CRLF3: variants seen among roughly 807,000 people sequenced by gnomAD.
The protein encoded by CRLF3 is cytokine receptor-like factor 3.
CRLF3 carries 33 observed loss-of-function variants against 55.0 expected under a neutral mutation model. The ratio of observed to expected loss-of-function variants is 0.60; its 90% CI spans 0.46 to 0.80. The LOEUF (loss-of-function observed/expected upper bound fraction) is 0.80. Among genes scored for constraint, CRLF3 ranks in the 30% least tolerant of loss-of-function variants. The pLI is 0.00. For missense variants in CRLF3, 494 were observed against 538.4 expected (o/e 0.92, Z 0.82); for synonymous variants, 238 against 196.8 (o/e 1.21, Z -1.75).
rs538291287 is a variant in CRLF3, at chr17:30,814,858, G to A, written c.129+9665C>T. ...CTCTACTAAAAATACAAAATTAGCC[G>A]GGTGTGGTGGCACATGCTTGTAATG... On this transcript the variant is annotated intron_variant, in intron 1 of 7. Coordinates refer to ENST00000324238, the MANE Select transcript of CRLF3 (RefSeq NM_015986.4). Among the ~76,000 whole-genome samples, 5 of 151,562 alleles carry A rather than the reference G, an allele frequency of 3.3e-5. No homozygotes were observed. The South Asian group carries it at 8.3e-4, about 25-fold the overall frequency.
At chr17:30,817,026 C>T (rs1051932118) in intron 1 of CRLF3, among the ~76,000 whole-genome samples, 20 of 152,094 alleles carry the variant, frequency 1.3e-4, no homozygotes, top group Non-Finnish European at 2.6e-4. Flanking sequence ...TTTTTACCCC[C>T]CTTATTTGCA....
chr17:30,824,524 T>G lies in CRLF3; in HGVS notation c.128A>C (p.Gln43Pro). ...RLEGLREARR[Q>P]IKESASQTRD... ...CCCCTGTGGGTGTGGCCCTCCGACC[T>G]GCCTCCGCGCCTCACGCAGCCCCTC... Residue 43 changes from glutamine to proline, a missense_variant and splice_region_variant, in exon 1 of 8, where the codon CAG becomes CCG. Physicochemically the swap from Gln to Pro is moderately conservative, Grantham distance 76. Transcript: ENST00000324238. The G allele has an allele frequency of 6.3e-7, 1 of 1,588,408 alleles. No homozygotes were observed. Among genetic ancestry groups the G allele is most frequent in the Non-Finnish European group, 8.5e-7 (1 of 1,173,132 alleles).
Position 30,809,933 on chromosome 17 carries a change from G to A in CRLF3, c.130-5825C>T, listed in dbSNP as rs573459875. On this transcript the variant is annotated intron_variant, in intron 1 of 7. Coordinates refer to ENST00000324238, the MANE Select transcript of CRLF3 (RefSeq NM_015986.4). ...CTCAAAGTGCTGAGATTACAAGTGTGAGCCACCGCGCTCGGCCATAGAACA... is the reference window on the plus strand; with the variant it reads ...CTCAAAGTGCTGAGATTACAAGTGTAAGCCACCGCGCTCGGCCATAGAACA... 2.6e-5 allele frequency: 4 copies of A among 152,242 alleles called. No individual in the cohort carries two copies. In the South Asian group the frequency reaches 6.2e-4, roughly 24 times the overall value. 9.4% of individuals were successfully genotyped at this position (152,242 alleles called of 1,614,324 possible).
intron 1 of CRLF3, among the ~76,000 whole-genome samples, chr17:30,815,377 C>T (rs1023446566): frequency 6.7e-6 from 1 of 149,404 alleles, no homozygotes; most frequent in African/African-American, 2.5e-5. Context: ...TGAGCCATTG[C>T]GCCTGGCCAA....
chr17:30,784,449 AT>A lies in CRLF3; in HGVS notation c.1073-7del. The A allele has an allele frequency of 6.2e-7, 1 of 1,608,526 alleles. No individual in the cohort carries two copies. Among genetic ancestry groups the A allele is most frequent in the African/African-American group, 1.3e-5 (1 of 74,890 alleles). ...TCCATTGACAAAAACTGCACCTAAAATGTTAAGGTAAAGAGTCATTTACATG... is the reference window on the plus strand; with the variant it reads ...TCCATTGACAAAAACTGCACCTAAAAGTTAAGGTAAAGAGTCATTTACATG... On this transcript the variant is annotated splice_region_variant and splice_polypyrimidine_tract_variant and intron_variant, in intron 7 of 7. Coordinates refer to ENST00000324238, the MANE Select transcript of CRLF3 (RefSeq NM_015986.4).
chr17:30,801,184 G>A (rs1972003113), intron 2 of CRLF3: 1 of 152,168 alleles, frequency 6.6e-6, no homozygotes, highest in Admixed American at 6.6e-5. Context: ...GGCTCCCAAA[G>A]TGCTGGGATT....
chr17:30,824,376 G>A, intron 1 of CRLF3, 147 bp downstream of exon 1: 1 of 533,914 alleles, frequency 1.9e-6, no homozygotes, highest in African/African-American at 2.3e-5. Flanking sequence ...CCCGTTCCCA[G>A]ACTCCATTAG....
At chr17:30,796,814 C>A in intron 3 of CRLF3, among the ~76,000 whole-genome samples, 1 of 151,662 alleles carries the variant, frequency 6.6e-6, no homozygotes. Flanking sequence ...ACCTCCACCT[C>A]CCCGATTCAA....
At chr17:30,796,067 T>G (rs954070429) in intron 4 of CRLF3, 93 bp downstream of exon 4, 4 of 743,592 alleles carry the variant, frequency 5.4e-6, no homozygotes, top group Non-Finnish European at 8.3e-6. Flanking sequence ...AAGAAAAGAA[T>G]GTATTTAAAA....
intron 2 of CRLF3, among the ~76,000 whole-genome samples, chr17:30,802,071 ATC>A (rs752214048): frequency 2.6e-5 from 4 of 151,924 alleles, no homozygotes; most frequent in African/African-American, 7.3e-5. Context: ...CTTAGCATGT[ATC>A]TCTCTCTCAC....
intron 7 of CRLF3, among the ~76,000 whole-genome samples, chr17:30,785,693 G>A (rs140088136): frequency 9.8e-4 from 149 of 151,776 alleles, no homozygotes; most frequent in African/African-American, 3.4e-3. Context: ...GAAGTGGGAG[G>A]ATGGCTTGGG....
chr17:30,784,367 G>A lies in CRLF3; in HGVS notation c.1149C>T (p.Asp383=). Residue 383 remains aspartate, a synonymous_variant, in exon 8 of 8, where the codon GAC becomes GAT. Coordinates refer to ENST00000324238, the MANE Select transcript of CRLF3 (RefSeq NM_015986.4). ...TGGTTCCTAGAGTCACGGCTTCAAT[G>A]TCAAACGTGACAGTGGACCCAGAAG... ...AVTSGSTVTF[D]IEAVTLGTTS... is the part of the protein sequence containing the mutation. The A allele has an allele frequency of 6.2e-7, 1 of 1,613,712 alleles. No individual in the cohort carries two copies. The highest frequency in any genetic ancestry group is 1.1e-5 in the South Asian group (1 of 91,074).
intron 1 of CRLF3, 40 bp downstream of exon 1, chr17:30,824,483 C>G (rs577816722): frequency 6.5e-7 from 1 of 1,548,876 alleles, no homozygotes; most frequent in East Asian, 2.4e-5. Flanking sequence ...TCCGCGCCAC[C>G]CCCGGGCCCA....
At chr17:30,798,829 ACT>A (rs1009224335) in intron 2 of CRLF3, among the ~76,000 whole-genome samples, 25 of 152,102 alleles carry the variant, frequency 1.6e-4, no homozygotes, top group African/African-American at 5.5e-4. Flanking sequence ...ACAGTGTGAG[ACT>A]CTGTCTCAAA....
intron 1 of CRLF3, among the ~76,000 whole-genome samples, chr17:30,805,638 C>T (rs1254651258): frequency 6.7e-6 from 1 of 148,646 alleles, no homozygotes; most frequent in Admixed American, 6.9e-5. Flanking sequence ...CGGTTGAACC[C>T]GGGAGGCGAA....
intron 4 of CRLF3, among the ~76,000 whole-genome samples, chr17:30,795,933 G>A (rs1971910075): frequency 6.6e-6 from 1 of 151,904 alleles, no homozygotes; most frequent in Admixed American, 6.6e-5. Context: ...CTCCAGCCTC[G>A]GTGAAAGAGC....
At chr17:30,816,105 A>C (rs1238242997) in intron 1 of CRLF3, among the ~76,000 whole-genome samples, 2 of 151,610 alleles carry the variant, frequency 1.3e-5, no homozygotes, top group Non-Finnish European at 1.5e-5. Flanking sequence ...AATATGGTGA[A>C]ACTCCGTCTG....
chr17:30,823,143 C>A (rs1306867805), intron 1 of CRLF3, among the ~76,000 whole-genome samples: 6 of 151,974 alleles, frequency 3.9e-5, no homozygotes, highest in Non-Finnish European at 8.8e-5. Flanking sequence ...GCAGGTGGAT[C>A]ACGAGGTCAG....
rs79294439 is a variant in CRLF3 at position 30,783,086 on chromosome 17, C to A, written c.*1101G>T. 6.6e-6 allele frequency: 1 copy of A among 152,078 alleles called. No homozygotes were observed. The highest frequency in any genetic ancestry group is 2.4e-5 in the African/African-American group (1 of 41,414). The allele number at this position is 152,078 out of a possible 1,614,324, so 9.4% of individuals were successfully genotyped here. A position where few individuals can be genotyped will look rare whatever the true frequency, so the allele number is the denominator to read the frequency against. ...TGCTAAAAAGAGACCACTTATTAAACTGACATTAAACTGGACTGCAGCTCA... is the reference window on the plus strand; with the variant it reads ...TGCTAAAAAGAGACCACTTATTAAAATGACATTAAACTGGACTGCAGCTCA... On this transcript the variant is annotated 3_prime_UTR_variant, in exon 8 of 8. Transcript: ENST00000324238.
Sources: allele counts gnomAD v4.1 joint callset (sites outside exome capture counted in the v4.1 genomes callset), GRCh38; gene constraint gnomAD v4.1.1; transcripts MANE v1.5; gene names NCBI Gene and HGNC (gene_info 2026-07-23, HGNC 2026-07-21).